GRK5: variants seen among roughly 807,000 people sequenced by gnomAD.
GRK5 encodes the protein G protein-coupled receptor kinase 5, also known as g protein-coupled receptor kinase GRK5.
A neutral mutation model predicts 78.4 loss-of-function variants in GRK5; 40 were observed. The ratio of observed to expected loss-of-function variants is 0.51; its 90% CI spans 0.40 to 0.66. The LOEUF is 0.66. Among genes scored for constraint, GRK5 ranks in the 30% least tolerant of loss-of-function variants. GRK5 has a pLI of 0.00. For synonymous variants in GRK5, 289 were observed against 296.8 expected, an observed-to-expected ratio of 0.97 and a Z score of 0.27; for missense variants, 598 against 759.9, an observed-to-expected ratio of 0.79 and a Z score of 2.50.
chr10:119,361,601 C>A (rs1457097894), intron 2 of GRK5, among the ~76,000 whole-genome samples: 1 of 152,098 alleles, frequency 6.6e-6, no homozygotes, highest in Non-Finnish European at 1.5e-5. Flanking sequence ...ACTGAGGAGA[C>A]GTGAGAGGAA....
chr10:119,251,779 C>G (rs1288602116), intron 1 of GRK5, among the ~76,000 whole-genome samples: 2 of 152,190 alleles, frequency 1.3e-5, no homozygotes, highest in Admixed American at 1.3e-4. Flanking sequence ...TTAACAGCAT[C>G]TGTGGCCTTT....
chr10:119,341,910 G>C (rs1468101104), intron 2 of GRK5, among the ~76,000 whole-genome samples: 1 of 152,172 alleles, frequency 6.6e-6, no homozygotes, highest in Non-Finnish European at 1.5e-5. Context: ...GCTTTTATCA[G>C]AAACGGTTTA....
At chr10:119,262,630 C>T (rs964615907) in intron 1 of GRK5, among the ~76,000 whole-genome samples, 6 of 152,180 alleles carry the variant, frequency 3.9e-5, no homozygotes, top group African/African-American at 1.2e-4. Flanking sequence ...CGTGAGCCAC[C>T]GTGCCTGGCC....
chr10:119,298,728 C>G (rs1850124522), intron 1 of GRK5, among the ~76,000 whole-genome samples: 1 of 152,046 alleles, frequency 6.6e-6, no homozygotes, highest in Non-Finnish European at 1.5e-5. Context: ...ATGGTTCCAG[C>G]CCCGCACTTC....
chr10:119,289,679 C>T (rs1021854226), intron 1 of GRK5, among the ~76,000 whole-genome samples: 6 of 152,304 alleles, frequency 3.9e-5, no homozygotes, highest in East Asian at 3.9e-4. Flanking sequence ...ACGGGCCTCC[C>T]GCTTCCCGAG....
chr10:119,425,805 C>T (rs562192353), intron 6 of GRK5, among the ~76,000 whole-genome samples: 2 of 152,386 alleles, frequency 1.3e-5, no homozygotes, highest in South Asian at 2.1e-4. Flanking sequence ...TCAAAGTACT[C>T]GCCCATGCGT....
At chr10:119,441,885 T>G in intron 10 of GRK5, 114 bp from the exon 11 acceptor site, 1 of 773,944 alleles carries the variant, frequency 1.3e-6, no homozygotes, top group Non-Finnish European at 2.2e-6. Context: ...GTCCCTGTTG[T>G]CCTTGGACAG....
rs188536832 is a variant in GRK5 at position 119,323,408 on chromosome 10, C to T, written c.53-3108C>T. 1.1e-4 allele frequency among the ~76,000 whole-genome samples: 16 copies of T among 152,348 alleles called. No individual in the cohort carries two copies. In the East Asian group the frequency reaches 2.7e-3, roughly 26 times the overall value. ...AATGGGGAGCAGGGGATGGACCCGT[C>T]GAGTTCTAACGACCCTCCCAGGCCT... On this transcript the variant is annotated intron_variant, in intron 1 of 15. Coordinates refer to ENST00000392870, the MANE Select transcript of GRK5 (RefSeq NM_005308.3).
chr10:119,450,718 T>C (rs1853265323), intron 13 of GRK5, among the ~76,000 whole-genome samples: 1 of 151,960 alleles, frequency 6.6e-6, no homozygotes, highest in Admixed American at 6.5e-5. Flanking sequence ...ATCAGGGCAT[T>C]AGGAGGATGA....
At chr10:119,436,946 T>A in intron 9 of GRK5, 105 bp downstream of exon 9, 1 of 1,058,888 alleles carries the variant, frequency 9.4e-7, no homozygotes, top group Non-Finnish European at 1.3e-6. Flanking sequence ...GAATCAGCCC[T>A]GGTCAGCACC....
At position 119,431,255 on chromosome 10, in the gene GRK5, C is replaced by A; in HGVS notation, c.598-132C>A. ...CTGGGTCCTGGGAGCCTGGAGCACT[C>A]ATGAAGCCAGGCAGGGCCGGCTCTG... On this transcript the variant is annotated intron_variant, in intron 7 of 15. Coordinates refer to ENST00000392870, the MANE Select transcript of GRK5 (RefSeq NM_005308.3). This position sits in a 1 kb window ranked among gnomAD's most constrained non-coding sequence, Gnocchi z 4.8. 2 of 1,055,152 alleles carry A rather than the reference C, an allele frequency of 1.9e-6. No homozygotes were observed. Among genetic ancestry groups the A allele is most frequent in the South Asian group, 1.7e-5 (1 of 58,930 alleles). 65.4% of individuals were successfully genotyped at this position (1,055,152 alleles called of 1,614,324 possible). A position where few individuals can be genotyped will look rare whatever the true frequency, so the allele number is the denominator to read the frequency against.
chr10:119,360,149 G>A (rs1015839713), intron 2 of GRK5, among the ~76,000 whole-genome samples: 2 of 151,636 alleles, frequency 1.3e-5, no homozygotes, highest in Admixed American at 1.3e-4. Context: ...AGAGTCTGAG[G>A]GGGTGAAGGA....
chr10:119,307,529 G>A (rs1434286102), intron 1 of GRK5, among the ~76,000 whole-genome samples: 4 of 152,118 alleles, frequency 2.6e-5, no homozygotes, highest in Non-Finnish European at 5.9e-5. Flanking sequence ...TGAAGGTGGA[G>A]GAAGGGCCAT....
At chr10:119,290,735 G>T (rs1442948873) in intron 1 of GRK5, among the ~76,000 whole-genome samples, 1 of 151,890 alleles carries the variant, frequency 6.6e-6, no homozygotes, top group African/African-American at 2.4e-5. Flanking sequence ...CCTCCGGGGA[G>T]CCTTCTAGAT....
intron 3 of GRK5, among the ~76,000 whole-genome samples, chr10:119,381,995 T>A (rs186594945): frequency 6.6e-6 from 1 of 152,290 alleles, no homozygotes; most frequent in African/African-American, 2.4e-5. Context: ...CCAAATGCAC[T>A]CAGGACTTTC....
intron 1 of GRK5, among the ~76,000 whole-genome samples, chr10:119,315,008 C>T (rs1850459748): frequency 6.6e-6 from 1 of 152,234 alleles, no homozygotes; most frequent in Non-Finnish European, 1.5e-5. Flanking sequence ...CCCTGCCTTG[C>T]CCACTCAGTG....
At chr10:119,442,229 G>A in intron 11 of GRK5, 141 bp downstream of exon 11, 3 of 741,362 alleles carry the variant, frequency 4.0e-6, no homozygotes, top group Non-Finnish European at 6.9e-6. Flanking sequence ...TCTCTGCAGG[G>A]CTGCTGGGGG....
intron 13 of GRK5, among the ~76,000 whole-genome samples, chr10:119,449,398 G>A (rs918227786): frequency 1.2e-4 from 18 of 152,304 alleles, no homozygotes; most frequent in East Asian, 5.8e-4. Context: ...TGCTAGGTGC[G>A]GATCAGTGTC....
chr10:119,348,304 T>G (rs1158238763), intron 2 of GRK5, among the ~76,000 whole-genome samples: 1 of 152,252 alleles, frequency 6.6e-6, no homozygotes, highest in Non-Finnish European at 1.5e-5. Flanking sequence ...CTCCCTCTTT[T>G]GCTGTTTGTT....
Sources: gnomAD v4.1 joint callset for allele counts (sites outside exome capture counted in the v4.1 genomes callset) on GRCh38, gnomAD v4.1.1 for gene constraint, Gnocchi (gnomAD v3.1) non-coding constraint, MANE v1.5 for transcripts, NCBI Gene and HGNC (gene_info 2026-07-23, HGNC 2026-07-21) for gene names.